Variants in PLXNA4 observed in about 807,000 individuals in gnomAD.
PLXNA4 encodes the protein plexin-A4.
A neutral mutation model predicts 191.8 loss-of-function variants in PLXNA4; 44 were observed. The observed-to-expected ratio is 0.23, with a 90% CI of 0.18 to 0.29. The LOEUF (loss-of-function observed/expected upper bound fraction) is 0.29, where lower values mean the gene tolerates loss of function less well. PLXNA4 is among the 10% of genes least tolerant of loss of function. PLXNA4 has a pLI of 1.00. For synonymous variants in PLXNA4, 1,082 were observed against 1,009.5 expected, an observed-to-expected ratio of 1.07 and a Z score of -1.36; for missense variants, 1,800 against 2,488.8, an observed-to-expected ratio of 0.72 and a Z score of 5.89.
chr7:132,238,276 T>G (rs1210165299), intron 5 of PLXNA4, among the ~76,000 whole-genome samples: 1 of 152,112 alleles, frequency 6.6e-6, no homozygotes, highest in African/African-American at 2.4e-5. Context: ...TTGATGAAAA[T>G]GTGACCAGAG....
At chr7:132,425,022 A>T (rs1174575223) in intron 3 of PLXNA4, among the ~76,000 whole-genome samples, 2 of 151,970 alleles carry the variant, frequency 1.3e-5, no homozygotes, top group East Asian at 3.9e-4. Context: ...CTCTAGCCCC[A>T]CTGTGCCACG....
At chr7:132,401,593 T>A (rs754177666) in intron 3 of PLXNA4, among the ~76,000 whole-genome samples, 1 of 152,106 alleles carries the variant, frequency 6.6e-6, no homozygotes, top group South Asian at 2.1e-4. Flanking sequence ...GAGGGAAGAC[T>A]TCATGGTGAA....
rs557729773 is a variant in PLXNA4, at chr7:132,644,017, T to C, written c.-87+1911A>G. 3.3e-5 allele frequency among the ~76,000 whole-genome samples: 5 copies of C among 152,292 alleles called. No individual in the cohort carries two copies. The South Asian group carries it at 8.3e-4, about 25-fold the overall frequency. On this transcript the variant is annotated intron_variant, in intron 2 of 4. Coordinates refer to the PLXNA4 transcript ENST00000378539. The stretch of plus-strand genomic sequence containing the variant: ...CACACTAGTAAAAATAAGTATTATT[T>C]TGTGAAAATGTTTAATTTCAAATAT...
chr7:132,531,015 C>G (rs1339635185), intron 1 of PLXNA4, among the ~76,000 whole-genome samples: 1 of 152,194 alleles, frequency 6.6e-6, no homozygotes, highest in Non-Finnish European at 1.5e-5. Context: ...ATCTGAATCT[C>G]AAGAATAGGC....
chr7:132,610,881 C>T (rs1803031955), intron 2 of PLXNA4, among the ~76,000 whole-genome samples: 1 of 152,154 alleles, frequency 6.6e-6, no homozygotes, highest in East Asian at 1.9e-4. Flanking sequence ...CAGAGGTTTG[C>T]CACTTGTAAT....
intron 6 of PLXNA4, 58 bp downstream of exon 6, chr7:132,228,288 G>A (rs1798400222): frequency 3.2e-5 from 52 of 1,606,838 alleles, no homozygotes; most frequent in Non-Finnish European, 3.7e-5. Context: ...GCACTTTTTA[G>A]TGAGGGGAGA....
chr7:132,384,586 C>A (rs1255811086), intron 3 of PLXNA4: 2 of 989,438 alleles, frequency 2.0e-6, no homozygotes, highest in Non-Finnish European at 2.4e-6. Context: ...AGCTTTTGCA[C>A]ATATGATCAG....
At chr7:132,171,872 T>C (rs920334970) in intron 21 of PLXNA4, among the ~76,000 whole-genome samples, 3 of 152,144 alleles carry the variant, frequency 2.0e-5, no homozygotes, top group African/African-American at 7.2e-5. Context: ...TTATGAACAT[T>C]AAATAAGATA....
intron 3 of PLXNA4, among the ~76,000 whole-genome samples, chr7:132,378,430 A>T (rs1804751683): frequency 6.6e-6 from 1 of 152,208 alleles, no homozygotes; most frequent in Non-Finnish European, 1.5e-5. Flanking sequence ...GTTCTCTACT[A>T]GGCAACAATC....
At chr7:132,587,057 C>T (rs1046661354) in intron 2 of PLXNA4, among the ~76,000 whole-genome samples, 13 of 152,300 alleles carry the variant, frequency 8.5e-5, no homozygotes, top group South Asian at 4.1e-4. Context: ...GAAGCAGTCC[C>T]GCTCAACTTT....
chr7:132,134,074 G>C (rs759091296), intron 30 of PLXNA4, among the ~76,000 whole-genome samples: 21 of 152,208 alleles, frequency 1.4e-4, no homozygotes, highest in Admixed American at 5.9e-4. Context: ...CAGAGGGGAT[G>C]GGGGAGGACA....
At chr7:132,563,334 TC>T (rs1801437535) in intron 1 of PLXNA4, among the ~76,000 whole-genome samples, 1 of 112,770 alleles carries the variant, frequency 8.9e-6, no homozygotes, top group Non-Finnish European at 1.8e-5. Flanking sequence ...CTCCTCCTCC[TC>T]CTTCTCCTCC....
intron 3 of PLXNA4, among the ~76,000 whole-genome samples, chr7:132,317,996 C>T (rs574642686): frequency 9.2e-5 from 14 of 152,322 alleles, no homozygotes; most frequent in Admixed American, 7.8e-4. Flanking sequence ...ATCTGTGCCT[C>T]CTGGGAAAGG....
chr7:132,153,464 C>T (rs753201681), intron 25 of PLXNA4, among the ~76,000 whole-genome samples: 4 of 151,894 alleles, frequency 2.6e-5, no homozygotes, highest in Non-Finnish European at 4.4e-5. Flanking sequence ...GAAGTGGCAG[C>T]GAGGACCTAA....
chr7:132,604,367 AC>A (rs1332767569), intron 2 of PLXNA4, among the ~76,000 whole-genome samples: 1 of 152,178 alleles, frequency 6.6e-6, no homozygotes, highest in Non-Finnish European at 1.5e-5. Context: ...AGATATACGG[AC>A]AGGAAACAGG....
intron 4 of PLXNA4, among the ~76,000 whole-genome samples, chr7:132,251,500 G>C (rs531753111): frequency 5.3e-5 from 8 of 152,294 alleles, no homozygotes; most frequent in African/African-American, 1.9e-4. Flanking sequence ...AGGCTCCCTA[G>C]CTGGCTGGCA....
chr7:132,369,520 G>A (rs994420799), intron 3 of PLXNA4, among the ~76,000 whole-genome samples: 1 of 152,072 alleles, frequency 6.6e-6, no homozygotes, highest in African/African-American at 2.4e-5. Context: ...AGCCAGGGGG[G>A]CTGTGTGGAA....
In PLXNA4 at chr7:132,128,565, C is replaced by T. The variant is rs1193631807; in HGVS notation, c.*1914G>A. 1 of 152,190 alleles carries T rather than the reference C, an allele frequency of 6.6e-6. No individual in the cohort carries two copies. Among genetic ancestry groups the T allele is most frequent in the African/African-American group, 2.4e-5 (1 of 41,430 alleles). The allele number at this position is 152,190 out of a possible 1,614,324, so 9.4% of individuals were successfully genotyped here. ...GGGGAACACTTCAAAAATCCTCCTA[C>T]AAAGGACAAGAAATCCTTTTGAGCT... is the stretch of plus-strand genomic sequence containing the variant. On this transcript the variant is annotated 3_prime_UTR_variant, in exon 32 of 32. Coordinates refer to ENST00000321063, the MANE Select transcript of PLXNA4 (RefSeq NM_020911.2).
chr7:132,202,324 C>T lies in PLXNA4; in HGVS notation c.2586+322G>A, dbSNP rs10232681. 1.5e-3 allele frequency among the ~76,000 whole-genome samples: 221 copies of T among 152,256 alleles called. 2 individuals carry two copies. Among genetic ancestry groups the T allele is most frequent in the African/African-American group, 4.9e-3 (204 of 41,552 alleles). On this transcript the variant is annotated intron_variant, in intron 12 of 31. Coordinates refer to ENST00000321063, the MANE Select transcript of PLXNA4 (RefSeq NM_020911.2). ...AGGATGCCAAAGGTGGAACTTCAGG[C>T]CTTGCCACCGAGGCTCTTAGAGACA...
Sources: gnomAD v4.1 joint callset for allele counts (sites outside exome capture counted in the v4.1 genomes callset) on GRCh38, gnomAD v4.1.1 for gene constraint, MANE v1.5 for transcripts, NCBI Gene and HGNC (gene_info 2026-07-23, HGNC 2026-07-21) for gene names.